The following ARPC2 variants were observed in gnomAD, a reference collection of about 807,000 sequenced individuals.
The protein encoded by ARPC2 is actin related protein 2/3 complex subunit 2, also known as actin-related protein 2/3 complex subunit 2.
Under a neutral mutation model 38.6 loss-of-function variants are expected in ARPC2, and 4 were observed. The observed-to-expected ratio is 0.10, with a 90% confidence interval of 0.05 to 0.24. The LOEUF is 0.24. Among genes scored for constraint, ARPC2 ranks in the 10% least tolerant of loss-of-function variants. The pLI, the probability that ARPC2 is intolerant of heterozygous loss-of-function variation, is 1.00. For missense variants in ARPC2, 229 were observed against 387.3 expected (o/e 0.59, Z 3.43); for synonymous variants, 125 against 140.8 (o/e 0.89, Z 0.79).
intron 2 of ARPC2, 93 bp from the exon 3 acceptor site, chr2:218,225,827 A>G: frequency 1.7e-6 from 2 of 1,194,548 alleles, no homozygotes; most frequent in South Asian, 1.2e-5. Flanking sequence ...GAATGGTCTG[A>G]TCTTAAGTGA....
At chr2:218,226,487 G>C (rs1274178908) in intron 3 of ARPC2, among the ~76,000 whole-genome samples, 1 of 151,704 alleles carries the variant, frequency 6.6e-6, no homozygotes, top group Non-Finnish European at 1.5e-5. Context: ...AAATTAGCTG[G>C]GCATGGTGGC....
intron 8 of ARPC2, among the ~76,000 whole-genome samples, chr2:218,247,816 G>T (rs749614182): frequency 6.6e-6 from 1 of 152,130 alleles, no homozygotes; most frequent in Admixed American, 6.6e-5. Flanking sequence ...GGTGGTGGGT[G>T]CCTGTAGTCC....
chr2:218,246,638 T>C (rs1448974673), intron 8 of ARPC2, among the ~76,000 whole-genome samples: 1 of 151,864 alleles, frequency 6.6e-6, no homozygotes, highest in African/African-American at 2.4e-5. Flanking sequence ...TCCAGGAGTT[T>C]GGGACCAGCC....
chr2:218,217,557 C>T lies in ARPC2; in HGVS notation c.74+13C>T. 1.2e-6 allele frequency: 2 copies of T among 1,606,844 alleles called. No homozygotes were observed. The highest frequency in any genetic ancestry group is 2.2e-5 in the East Asian group (1 of 44,538). On this transcript the variant is annotated intron_variant, in intron 2 of 10. Transcript: ENST00000315717. ...ACGCGGCCGCCGGGTGAGCGCGCGCCCGGGGCCGGGGGTGGCGGGGGAAGC... is the reference window on the plus strand; with the variant it reads ...ACGCGGCCGCCGGGTGAGCGCGCGCTCGGGGCCGGGGGTGGCGGGGGAAGC...
At chr2:218,239,525 C>G in intron 7 of ARPC2, 41 bp downstream of exon 7, 4 of 1,487,448 alleles carry the variant, frequency 2.7e-6, no homozygotes, top group Non-Finnish European at 3.8e-6. Flanking sequence ...TGCATGGCGA[C>G]TTATACCTTT....
At chr2:218,248,350 C>T (rs181298423) in intron 8 of ARPC2, among the ~76,000 whole-genome samples, 120 of 152,282 alleles carry the variant, frequency 7.9e-4, no homozygotes, top group African/African-American at 2.6e-3. Context: ...AGACAACTGA[C>T]GGGGTTTTGC....
At position 218,245,416 on chromosome 2, in the gene ARPC2, G is replaced by A. The variant is rs1222436659; in HGVS notation, c.550-4G>A. 6.2e-7 allele frequency: 1 copy of A among 1,613,928 alleles called. No homozygotes were observed. Among genetic ancestry groups the A allele is most frequent in the Non-Finnish European group, 8.5e-7 (1 of 1,179,976 alleles). ...TTCTGGTTGCTTTTGCTTTGTCTTG[G>A]CAGGAGTTCAAAGAAGGACGCAGAG... On this transcript the variant is annotated splice_region_variant and splice_polypyrimidine_tract_variant and intron_variant, in intron 7 of 10. Transcript: ENST00000315717.
At chr2:218,233,714 A>G (rs886514428) in intron 4 of ARPC2, 3 of 151,726 alleles carry the variant, frequency 2.0e-5, no homozygotes, top group African/African-American at 7.3e-5. Flanking sequence ...CTCAGTCTGT[A>G]CTTAGGTTGA....
At chr2:218,248,626 A>T (rs1211441510) in intron 8 of ARPC2, among the ~76,000 whole-genome samples, 1 of 152,142 alleles carries the variant, frequency 6.6e-6, no homozygotes, top group East Asian at 1.9e-4. Flanking sequence ...ACATGTGGCT[A>T]ATTTTTATAT....
At chr2:218,239,579 C>A in intron 7 of ARPC2, 95 bp downstream of exon 7, 2 of 984,230 alleles carry the variant, frequency 2.0e-6, no homozygotes, top group African/African-American at 1.7e-5. Context: ...TCTAGCAACT[C>A]TACTGATGTT....
At chr2:218,237,137 A>G (rs904197057) in intron 5 of ARPC2, among the ~76,000 whole-genome samples, 1 of 152,088 alleles carries the variant, frequency 6.6e-6, no homozygotes, top group Admixed American at 6.6e-5. Context: ...TAAGTATTGA[A>G]CATTCTTTTA....
At chr2:218,230,163 C>T (rs771413008) in intron 4 of ARPC2, among the ~76,000 whole-genome samples, 1 of 151,360 alleles carries the variant, frequency 6.6e-6, no homozygotes, top group Non-Finnish European at 1.5e-5. Context: ...ATAGAGATGG[C>T]GTTTCACCAC....
chr2:218,245,351 C>T (rs1690006423), intron 7 of ARPC2, 69 bp from the exon 8 acceptor site: 1 of 1,603,190 alleles, frequency 6.2e-7, no homozygotes, highest in African/African-American at 1.3e-5. Context: ...TAGAACAAAC[C>T]CTATAGCTTG....
intron 5 of ARPC2, chr2:218,235,050 A>T (rs1689736494): frequency 6.3e-6 from 2 of 314,996 alleles, no homozygotes; most frequent in South Asian, 5.1e-5. Context: ...ACCAGGTAGT[A>T]AGACCATTGG....
chr2:218,223,469 T>G (rs1689429207), intron 2 of ARPC2, among the ~76,000 whole-genome samples: 1 of 152,220 alleles, frequency 6.6e-6, no homozygotes, highest in Admixed American at 6.5e-5. Flanking sequence ...AGTGATTCCT[T>G]TAAGTAAAAA....
chr2:218,228,036 TGTATCTG>T (rs1008407965), intron 3 of ARPC2, among the ~76,000 whole-genome samples: 6 of 152,240 alleles, frequency 3.9e-5, no homozygotes, highest in African/African-American at 7.2e-5. Context: ...AATTATGTGT[TGTATCTG>T]GGATTTGCTT....
intron 6 of ARPC2, 108 bp downstream of exon 6, chr2:218,238,958 T>C: frequency 1.1e-6 from 1 of 928,032 alleles, no homozygotes. Flanking sequence ...TGCGTGAAAA[T>C]GTTTTTCTCA....
chr2:218,249,596 A>G (rs1690131213), intron 9 of ARPC2, 132 bp downstream of exon 9: 1 of 801,014 alleles, frequency 1.2e-6, no homozygotes. Context: ...AGAGGCTTCA[A>G]GAAACCATGG....
chr2:218,233,443 G>T (rs1378378474), intron 4 of ARPC2: 5 of 151,632 alleles, frequency 3.3e-5, no homozygotes, highest in Admixed American at 2.0e-4. Context: ...GGTTTTTTGG[G>T]TTTTTTTTGT....
Sources: allele counts gnomAD v4.1 joint callset (sites outside exome capture counted in the v4.1 genomes callset), GRCh38; gene constraint gnomAD v4.1.1; transcripts MANE v1.5; gene names NCBI Gene and HGNC (gene_info 2026-07-23, HGNC 2026-07-21).